Variants in ARF3 observed in about 807,000 individuals in gnomAD.
ARF3 encodes ADP-ribosylation factor 3.
In ARF3, 5 loss-of-function variants were observed where a neutral mutation model predicts 19.3. That is an observed-to-expected ratio of 0.26 (90% CI 0.14 to 0.54). The LOEUF (loss-of-function observed/expected upper bound fraction) is 0.54. ARF3 is among the 20% of genes least tolerant of loss of function. The pLI, the probability that ARF3 is intolerant of heterozygous loss-of-function variation, is 0.95. For missense variants in ARF3, 77 were observed against 234.2 expected, an observed-to-expected ratio of 0.33 and a Z score of 4.38; for synonymous variants, 71 against 89.2, an observed-to-expected ratio of 0.80 and a Z score of 1.15.
intron 1 of ARF3, chr12:48,953,036 G>C (rs1940496075): frequency 6.6e-6 from 1 of 152,196 alleles, no homozygotes. Context: ...TACCTCACTA[G>C]ACTGTGAGCT....
intron 1 of ARF3, among the ~76,000 whole-genome samples, chr12:48,951,594 A>C (rs1472960607): frequency 7.6e-6 from 1 of 131,728 alleles, no homozygotes. Context: ...ATAAATAATA[A>C]ATAGGCCGGG....
intron 1 of ARF3, among the ~76,000 whole-genome samples, chr12:48,948,195 A>C (rs1250598517): frequency 7.1e-6 from 1 of 140,566 alleles, no homozygotes; most frequent in Non-Finnish European, 1.6e-5. Context: ...ACAGAGTGAG[A>C]GAATATGTCT....
chr12:48,949,903 T>C (rs1940433031), intron 1 of ARF3, among the ~76,000 whole-genome samples: 1 of 151,874 alleles, frequency 6.6e-6, no homozygotes, highest in African/African-American at 2.4e-5. Flanking sequence ...TGGATGTTGA[T>C]GATGTAGAAG....
At chr12:48,943,434 A>G (rs1940300851) in intron 1 of ARF3, among the ~76,000 whole-genome samples, 1 of 152,194 alleles carries the variant, frequency 6.6e-6, no homozygotes, top group Non-Finnish European at 1.5e-5. Context: ...GGCATTCTCT[A>G]GAGTCTGGGA....
Position 48,938,016 on chromosome 12 carries a change from A to AC in ARF3, c.*930dup. 1 of 172,470 alleles carries AC rather than the reference A, an allele frequency of 5.8e-6. No individual in the cohort carries two copies. 10.7% of individuals were successfully genotyped at this position (172,470 alleles called of 1,614,324 possible). A position where few individuals can be genotyped will look rare whatever the true frequency, so the allele number is the denominator to read the frequency against. On this transcript the variant is annotated 3_prime_UTR_variant, in exon 5 of 5. Transcript: ENST00000256682. ...CACACACCATGGACTTGCCATCCCC[A>AC]CCCCCCAGTCAAGCTCCAGAGGAAC...
At chr12:48,955,515 G>T (rs1297986698) in intron 1 of ARF3, among the ~76,000 whole-genome samples, 1 of 152,126 alleles carries the variant, frequency 6.6e-6, no homozygotes, top group Non-Finnish European at 1.5e-5. Flanking sequence ...GTGCCTCTTA[G>T]GAAGGCAGAG....
chr12:48,947,027 T>C (rs930479416), intron 1 of ARF3, among the ~76,000 whole-genome samples: 1 of 152,334 alleles, frequency 6.6e-6, no homozygotes, highest in Non-Finnish European at 1.5e-5. Flanking sequence ...TGTTCTTAGA[T>C]AATTTTCAAA....
intron 1 of ARF3, among the ~76,000 whole-genome samples, chr12:48,949,370 C>T (rs1042705882): frequency 3.3e-5 from 5 of 151,820 alleles, no homozygotes; most frequent in Admixed American, 6.6e-5. Flanking sequence ...GGACTACAGG[C>T]GCCCGCCACT....
At chr12:48,944,818 T>C (rs1441187457) in intron 1 of ARF3, among the ~76,000 whole-genome samples, 1 of 152,186 alleles carries the variant, frequency 6.6e-6, no homozygotes, top group African/African-American at 2.4e-5. Context: ...TCTCTTGCCA[T>C]TTAATATACA....
intron 1 of ARF3, among the ~76,000 whole-genome samples, chr12:48,947,468 G>A (rs1387893865): frequency 6.6e-6 from 1 of 152,094 alleles, no homozygotes; most frequent in Non-Finnish European, 1.5e-5. Flanking sequence ...CACCACACCT[G>A]GCTAATTTTT....
chr12:48,955,052 C>T (rs1847460317), intron 1 of ARF3, among the ~76,000 whole-genome samples: 1 of 152,166 alleles, frequency 6.6e-6, no homozygotes, highest in South Asian at 2.1e-4. Context: ...GTTACATACT[C>T]AACTTTAACC....
intron 1 of ARF3, among the ~76,000 whole-genome samples, chr12:48,944,629 C>T (rs188378288): frequency 2.0e-5 from 3 of 152,340 alleles, no homozygotes; most frequent in Admixed American, 6.5e-5. Context: ...TGATTTAAGC[C>T]TCATCTGAGG....
chr12:48,940,417 G>A lies in ARF3; in HGVS notation c.149-310C>T, dbSNP rs116020230. Among the ~76,000 whole-genome samples the A allele has an allele frequency of 1.1e-3, 167 of 152,320 alleles. 1 individual carries two copies. Among genetic ancestry groups the A allele is most frequent in the African/African-American group, 3.8e-3 (160 of 41,582 alleles). On this transcript the variant is annotated intron_variant, in intron 2 of 4. Transcript: ENST00000256682. ...CCCTCCTACAAAATGACTCAGCCCTGCTCTGGTACTTTGGCTACCAGAGTC... is the reference window on the plus strand; with the variant it reads ...CCCTCCTACAAAATGACTCAGCCCTACTCTGGTACTTTGGCTACCAGAGTC...
At position 48,938,668 on chromosome 12, in the gene ARF3, T is replaced by TGA. The variant is rs35034955; in HGVS notation, c.*277_*278dup. The TGA allele has an allele frequency of 0.38, 158,443 of 421,298 alleles. 26,411 individuals are homozygous for TGA. The highest frequency in any genetic ancestry group is 0.47 in the East Asian group (8,807 of 18,908). 26.1% of individuals were successfully genotyped at this position (421,298 alleles called of 1,614,324 possible). ...ACTCGACCTCCCGAAACCCAGAGGG[T>TGA]GAGAGAGAGAGGGGCCACCCCATGA... On this transcript the variant is annotated 3_prime_UTR_variant, in exon 5 of 5. Transcript: ENST00000256682.
At chr12:48,955,001 AATAAAGGT>A (rs1940536088) in intron 1 of ARF3, among the ~76,000 whole-genome samples, 1 of 152,184 alleles carries the variant, frequency 6.6e-6, no homozygotes. Flanking sequence ...GGTGGATAAA[AATAAAGGT>A]ATATAGGGAA....
At chr12:48,945,214 G>A (rs925145802) in intron 1 of ARF3, among the ~76,000 whole-genome samples, 2 of 151,476 alleles carry the variant, frequency 1.3e-5, no homozygotes, top group Non-Finnish European at 2.9e-5. Context: ...GGAGGCTGAG[G>A]TGGGTGGATC....
At chr12:48,947,535 T>C (rs1940380374) in intron 1 of ARF3, among the ~76,000 whole-genome samples, 1 of 152,188 alleles carries the variant, frequency 6.6e-6, no homozygotes, top group Non-Finnish European at 1.5e-5. Flanking sequence ...CTTGATCTCC[T>C]GACCTTGTGA....
intron 1 of ARF3, among the ~76,000 whole-genome samples, chr12:48,944,536 T>G (rs1940321630): frequency 6.6e-6 from 1 of 152,246 alleles, no homozygotes. Flanking sequence ...ATTCCCTATG[T>G]GCAAAGACTA....
intron 1 of ARF3, among the ~76,000 whole-genome samples, chr12:48,944,000 G>A (rs1940312034): frequency 6.6e-6 from 1 of 152,154 alleles, no homozygotes; most frequent in Admixed American, 6.5e-5. Flanking sequence ...ACCAACCTTG[G>A]CAATTTGTAG....
Sources: gnomAD v4.1 joint callset for allele counts (sites outside exome capture counted in the v4.1 genomes callset) on GRCh38, gnomAD v4.1.1 for gene constraint, MANE v1.5 for transcripts, NCBI Gene and HGNC (gene_info 2026-07-23, HGNC 2026-07-21) for gene names.